Variants in MAGEA11 observed in about 807,000 individuals in gnomAD.
The protein encoded by MAGEA11 is melanoma-associated antigen 11.
MAGEA11 carries 1 observed loss-of-function variant against 8.4 expected under a neutral mutation model. The observed-to-expected ratio is 0.12, with a 90% CI of 0.04 to 0.57. The LOEUF is 0.57. Ranked by LOEUF, MAGEA11 falls within the 20% of genes least tolerant of loss-of-function variation. The probability of loss-of-function intolerance (pLI) is 0.91; values close to 1 mark genes in which losing one functional copy is unlikely to be tolerated. For missense variants in MAGEA11, 209 were observed against 317.3 expected (o/e 0.66, Z 2.59); for synonymous variants, 127 against 119.3 (o/e 1.06, Z -0.42).
At chrX:149,698,664 C>A (rs782625413) in intron 1 of MAGEA11, among the ~76,000 whole-genome samples, 1 of 111,274 alleles carries the variant, frequency 9.0e-6, no homozygotes, top group East Asian at 2.8e-4. Flanking sequence ...TGATGCGTAC[C>A]TCTTTGTTCT....
At chrX:149,710,386 G>GT (rs1176147204), upstream of MAGEA11, among the ~76,000 whole-genome samples, 1 of 112,154 alleles carries the variant, frequency 8.9e-6, no homozygotes, top group Non-Finnish European at 1.9e-5. Context: ...ATTGACAGAC[G>GT]TAATTCCTTA....
Position 149,716,857 on chromosome X carries a change from C to T in MAGEA11, c.*81C>T. The T allele has an allele frequency of 3.1e-6, 3 of 974,101 alleles. No individual in the cohort carries two copies. Among genetic ancestry groups the T allele is most frequent in the Non-Finnish European group, 4.2e-6 (3 of 711,100 alleles). The allele number at this position is 974,101 out of a possible 1,213,427, so 80.3% of individuals were successfully genotyped here. A position where few individuals can be genotyped will look rare whatever the true frequency, so the allele number is the denominator to read the frequency against. ...GGCCACACCCAGCAGTTTCCCTGTC[C>T]TGTGTGAAATCAGGCCCATTCTTCC... is the stretch of plus-strand genomic sequence containing the variant. On this transcript the variant is annotated 3_prime_UTR_variant, in exon 5 of 5. Transcript: ENST00000355220.
chrX:149,704,637 T>A (rs1205348062), intron 1 of MAGEA11, among the ~76,000 whole-genome samples: 1 of 111,849 alleles, frequency 8.9e-6, no homozygotes, highest in Non-Finnish European at 1.9e-5. Flanking sequence ...CATTGACCTT[T>A]AGGGTACCCT....
At chrX:149,688,395 G>A (rs2090295201), upstream of MAGEA11, 1 of 112,321 alleles carries the variant, frequency 8.9e-6, no homozygotes, top group Non-Finnish European at 1.9e-5. Context: ...AGGTGAAAGG[G>A]GGGCAAAAGA....
At chrX:149,690,393 G>A (rs376962168) in intron 1 of MAGEA11, among the ~76,000 whole-genome samples, 1 of 112,327 alleles carries the variant, frequency 8.9e-6, no homozygotes, top group Non-Finnish European at 1.9e-5. Context: ...CATAATAAAC[G>A]ATGAGTGTTT....
At chrX:149,704,429 C>G (rs1481456124) in intron 1 of MAGEA11, among the ~76,000 whole-genome samples, 4 of 112,288 alleles carry the variant, frequency 3.6e-5, no homozygotes, top group Non-Finnish European at 7.5e-5. Flanking sequence ...TTTCCTCCCC[C>G]TTTTTTTCAC....
chrX:149,690,497 G>A (rs1557360041), intron 1 of MAGEA11, among the ~76,000 whole-genome samples: 1 of 111,826 alleles, frequency 8.9e-6, no homozygotes, highest in Non-Finnish European at 1.9e-5. Flanking sequence ...CTACCCATTG[G>A]CACTTAGAAT....
At chrX:149,707,416 T>C (rs782301199), upstream of MAGEA11, among the ~76,000 whole-genome samples, 1 of 112,049 alleles carries the variant, frequency 8.9e-6, no homozygotes, top group South Asian at 3.8e-4. Flanking sequence ...TTTGGTAGGC[T>C]TCCAAATGAA....
intron 1 of MAGEA11, among the ~76,000 whole-genome samples, chrX:149,691,558 T>A (rs1354472962): frequency 1.8e-5 from 2 of 111,808 alleles, no homozygotes; most frequent in Non-Finnish European, 3.8e-5. Flanking sequence ...ATCAGAGCAG[T>A]TTTTAGTCTA....
At chrX:149,690,743 G>T (rs974875851) in intron 1 of MAGEA11, among the ~76,000 whole-genome samples, 52 of 111,701 alleles carry the variant, frequency 4.7e-4, no homozygotes, top group Non-Finnish European at 7.2e-4. Context: ...TAGGGCTCTT[G>T]ATTCCTTTGT....
intron 1 of MAGEA11, among the ~76,000 whole-genome samples, chrX:149,695,924 A>G (rs937468020): frequency 8.9e-6 from 1 of 111,817 alleles, no homozygotes; most frequent in Non-Finnish European, 1.9e-5. Flanking sequence ...CCACCTGACT[A>G]ATGAACAGAG....
At position 149,716,257 on chromosome X, in the gene MAGEA11, G is replaced by C; in HGVS notation, c.771G>C (p.Glu257Asp). 2 of 1,211,833 alleles carry C rather than the reference G, an allele frequency of 1.7e-6. No individual in the cohort carries two copies. Among genetic ancestry groups the C allele is most frequent in the Non-Finnish European group, 1.1e-6 (1 of 895,468 alleles). The change falls in exon 5 of 5, where the codon GAG becomes GAC. Residue 257 changes from glutamate to aspartate, a missense_variant. Transcript: ENST00000355220. Reference sequence around the variant, plus strand: ...TGGGGAGTGTCATCAAAAATTATGAGGACTACTTTCCTGAGATATTTAGGG... The same window carrying C: ...TGGGGAGTGTCATCAAAAATTATGACGACTACTTTCCTGAGATATTTAGGG... ...EMLGSVIKNY[E>D]DYFPEIFREA... is the part of the protein sequence containing the mutation.
chrX:149,697,387 C>T (rs782696983), intron 1 of MAGEA11, among the ~76,000 whole-genome samples: 9 of 111,563 alleles, frequency 8.1e-5, no homozygotes, highest in Admixed American at 4.8e-4. Flanking sequence ...TTTCCTGCTA[C>T]GTGCAAGGCC....
intron 1 of MAGEA11, among the ~76,000 whole-genome samples, chrX:149,692,351 G>T: frequency 9.1e-6 from 1 of 110,416 alleles, no homozygotes; most frequent in African/African-American, 3.3e-5. Context: ...AGGTTGCAGT[G>T]AGCCGTTATC....
chrX:149,692,511 G>A (rs1557360226), intron 1 of MAGEA11, among the ~76,000 whole-genome samples: 2 of 111,457 alleles, frequency 1.8e-5, no homozygotes, highest in African/African-American at 6.5e-5. Flanking sequence ...GCCAACTTTG[G>A]TAAAGTTTGT....
chrX:149,702,906 C>T (rs1460342475), intron 1 of MAGEA11, among the ~76,000 whole-genome samples: 1 of 111,675 alleles, frequency 9.0e-6, no homozygotes, highest in Non-Finnish European at 1.9e-5. Flanking sequence ...AAATTAATAC[C>T]AACTTAATTA....
At chrX:149,702,490 C>A (rs142876308) in intron 1 of MAGEA11, among the ~76,000 whole-genome samples, 1 of 110,847 alleles carries the variant, frequency 9.0e-6, no homozygotes, top group African/African-American at 3.3e-5. Context: ...CATTCCAGCT[C>A]TCTTTTGGTT....
chrX:149,690,354 T>C (rs1216544995), intron 1 of MAGEA11, among the ~76,000 whole-genome samples: 2 of 112,624 alleles, frequency 1.8e-5, no homozygotes, highest in Non-Finnish European at 3.8e-5. Context: ...AGAGTAATTG[T>C]CTGGAGTTCA....
At chrX:149,694,343 T>C (rs150172085) in intron 1 of MAGEA11, among the ~76,000 whole-genome samples, 13 of 112,681 alleles carry the variant, frequency 1.2e-4, no homozygotes, top group African/African-American at 4.2e-4. Context: ...CATGTGCTTA[T>C]TGGGCATTTA....
Sources: gnomAD v4.1 joint callset for allele counts (sites outside exome capture counted in the v4.1 genomes callset) on GRCh38, gnomAD v4.1.1 for gene constraint, MANE v1.5 for transcripts, NCBI Gene and HGNC (gene_info 2026-07-23, HGNC 2026-07-21) for gene names.